MADD: variants seen among roughly 807,000 people sequenced by gnomAD.
MADD encodes MAP kinase activating death domain.
Under a neutral mutation model 176.7 loss-of-function variants are expected in MADD, and 109 were observed. The ratio of observed to expected loss-of-function variants is 0.62; its 90% confidence interval spans 0.53 to 0.72. The LOEUF (loss-of-function observed/expected upper bound fraction) is 0.72. Among genes scored for constraint, MADD ranks in the 30% least tolerant of loss-of-function variants. The pLI is 0.00. For synonymous variants in MADD, 771 were observed against 771.3 expected (o/e 1.00, Z 0.01); for missense variants, 1,914 against 2,045.5 (o/e 0.94, Z 1.24).
chr11:47,309,979 T>C (rs1022040252), intron 25 of MADD, among the ~76,000 whole-genome samples: 5 of 151,794 alleles, frequency 3.3e-5, no homozygotes, highest in African/African-American at 1.2e-4. Flanking sequence ...GTAGCTGCGA[T>C]TACAGGCGCA....
chr11:47,297,902 C>T (rs1236402006), intron 22 of MADD, among the ~76,000 whole-genome samples: 1 of 149,550 alleles, frequency 6.7e-6, no homozygotes. Context: ...CATTCTCCTT[C>T]CTCAGCCTCC....
chr11:47,314,923 C>CAATT (rs35642448), intron 26 of MADD, among the ~76,000 whole-genome samples: 152,069 of 152,310 alleles, frequency 1, 75,914 homozygotes, highest in Middle Eastern at 1. Flanking sequence ...TTATATTAAT[C>CAATT]ATTAATTGTT....
intron 8 of MADD, among the ~76,000 whole-genome samples, chr11:47,282,061 C>T (rs11039162): frequency 0.27 from 41,181 of 151,746 alleles, 6,900 homozygotes; most frequent in Non-Finnish European, 0.39. Context: ...TCTGGAACTC[C>T]TGACCTCAGT....
chr11:47,290,463 C>T (rs2064196167), intron 18 of MADD, 147 bp from the exon 20 acceptor site: 1 of 1,245,746 alleles, frequency 8.0e-7, no homozygotes, highest in South Asian at 1.5e-5. Flanking sequence ...AGTGGGTATT[C>T]TTTGTTACGA....
intron 27 of MADD, among the ~76,000 whole-genome samples, 179 bp downstream of exon 30, chr11:47,315,506 G>A (rs546064373): frequency 1.3e-5 from 2 of 152,064 alleles, no homozygotes; most frequent in East Asian, 1.9e-4. Flanking sequence ...ATAGTGTCTC[G>A]CTCTGTCACC....
At chr11:47,316,152 C>T (rs1397034549) in intron 27 of MADD, among the ~76,000 whole-genome samples, 7 of 135,462 alleles carry the variant, frequency 5.2e-5, no homozygotes, top group South Asian at 2.5e-4. Flanking sequence ...CTTTTATACA[C>T]GTGCGCGCGC....
At chr11:47,296,764 GTTTTTTTTTTTTTT>G (rs753454831) in intron 22 of MADD, among the ~76,000 whole-genome samples, 1 of 116,916 alleles carries the variant, frequency 8.6e-6, no homozygotes, top group South Asian at 2.7e-4. Context: ...GTTTTTTGTT[GTTTTTTTTTTTTTT>G]TTTTTTTACA....
exon 3 of MADD, chr11:47,274,710 C>G (rs1207266484): frequency 1.2e-6 from 2 of 1,614,216 alleles, no homozygotes; most frequent in Non-Finnish European, 1.7e-6. Context: ...GGCGCATGAG[C>G]CTTCGGGATG....
intron 31 of MADD, chr11:47,328,119 G>A: frequency 3.0e-6 from 3 of 1,003,454 alleles, no homozygotes; most frequent in Non-Finnish European, 3.6e-6. Context: ...GCCACATCCT[G>A]TGGGTTTATA....
At chr11:47,298,445 T>G (rs2074916905) in intron 22 of MADD, among the ~76,000 whole-genome samples, 1 of 152,238 alleles carries the variant, frequency 6.6e-6, no homozygotes, top group Non-Finnish European at 1.5e-5. Flanking sequence ...TAGAGGCCCA[T>G]TATTCCAAAA....
At chr11:47,282,245 G>T in intron 8 of MADD, 136 bp from the exon 9 acceptor site, 1 of 658,606 alleles carries the variant, frequency 1.5e-6, no homozygotes, top group African/African-American at 1.8e-5. Flanking sequence ...AGAGGGGGCT[G>T]ATGATTCTTT....
intron 22 of MADD, among the ~76,000 whole-genome samples, chr11:47,306,726 C>A (rs1271589049): frequency 6.6e-6 from 1 of 152,094 alleles, no homozygotes; most frequent in Non-Finnish European, 1.5e-5. Flanking sequence ...TGTCACCCTT[C>A]TGATACACCC....
intron 19 of MADD, 61 bp downstream of exon 21, chr11:47,292,657 C>A: frequency 6.5e-7 from 1 of 1,535,292 alleles, no homozygotes; most frequent in Non-Finnish European, 9.0e-7. Context: ...TCCCCAGGCC[C>A]AGTTGGGGCA....
At chr11:47,284,485 C>A in exon 12 of MADD, 1 of 1,614,120 alleles carries the variant, frequency 6.2e-7, no homozygotes, top group Non-Finnish European at 8.5e-7. Flanking sequence ...TGAGAACTCT[C>A]AGGAAAACCC....
intron 19 of MADD, 58 bp from the exon 21 acceptor site, chr11:47,292,485 G>T: frequency 6.5e-7 from 1 of 1,544,842 alleles, no homozygotes; most frequent in South Asian, 1.1e-5. Flanking sequence ...CATTTCGTCT[G>T]TCTGACCAGC....
intron 8 of MADD, 143 bp from the exon 9 acceptor site, chr11:47,282,237 AG>A: frequency 1.6e-6 from 1 of 639,220 alleles, no homozygotes; most frequent in Non-Finnish European, 2.7e-6. Context: ...CAGGATGAAG[AG>A]GGGGCTGATG....
intron 5 of MADD, 131 bp downstream of exon 5, chr11:47,276,994 A>T: frequency 1.9e-6 from 2 of 1,065,200 alleles, no homozygotes; most frequent in Non-Finnish European, 2.7e-6. Flanking sequence ...ACAAAATCTG[A>T]CTGATTTGAA....
exon 1 of MADD, chr11:47,270,188 G>C (rs1958947295): frequency 6.6e-6 from 1 of 152,128 alleles, no homozygotes; most frequent in Non-Finnish European, 1.5e-5. Context: ...GGGAGCGACT[G>C]ACGCCCCGCT....
At chr11:47,276,303 C>T (rs543912525) in intron 4 of MADD, 101 bp downstream of exon 4, 4 of 1,222,618 alleles carry the variant, frequency 3.3e-6, no homozygotes, top group Admixed American at 2.7e-5. Flanking sequence ...ATATTTTTCA[C>T]CTTTTTGTCT....
Sources: allele counts gnomAD v4.1 joint callset (sites outside exome capture counted in the v4.1 genomes callset), GRCh38; gene constraint gnomAD v4.1.1; transcripts MANE v1.5; gene names NCBI Gene and HGNC (gene_info 2026-07-23, HGNC 2026-07-21).